Variants in NADK observed in about 807,000 individuals in gnomAD.
The protein encoded by NADK is poly(P)/ATP NAD kinase.
Under a neutral mutation model 49.8 loss-of-function variants are expected in NADK, and 22 were observed. That is an observed-to-expected ratio of 0.44 (90% confidence interval 0.32 to 0.63). The LOEUF (loss-of-function observed/expected upper bound fraction) is 0.63. Among genes scored for constraint, NADK ranks in the 30% least tolerant of loss-of-function variants. The pLI is 0.06. For missense variants in NADK, 438 were observed against 609.4 expected (o/e 0.72, Z 2.96); for synonymous variants, 268 against 253.7 (o/e 1.06, Z -0.54).
At chr1:1,771,682 G>A (rs376981689) in intron 1 of NADK, among the ~76,000 whole-genome samples, 5 of 152,118 alleles carry the variant, frequency 3.3e-5, no homozygotes, top group Admixed American at 2.0e-4. Context: ...GGACAGCCAC[G>A]TCTAAAAGAA....
In NADK at chr1:1,765,285, C is replaced by T. The variant is rs370296753; in HGVS notation, c.122G>A (p.Arg41Gln). 5.6e-6 allele frequency: 9 copies of T among 1,612,938 alleles called. 1 individual carries two copies. Among genetic ancestry groups the T allele is most frequent in the East Asian group, 4.5e-5 (2 of 44,802 alleles). Residue 41 changes from arginine to glutamine, a missense_variant, in exon 2 of 12, where the codon CGG (arginine) becomes CAG (glutamine). Coordinates refer to ENST00000341426, the MANE Select transcript of NADK (RefSeq NM_023018.5). ...TWSYNHPIRG[R>Q]AKSRSLSASP... Reference sequence around the variant, plus strand: ...GGCAGACAGGCTGCGAGACTTGGCCCGGCCCCGGATGGGGTGGTTGTAACT... The same window carrying T: ...GGCAGACAGGCTGCGAGACTTGGCCTGGCCCCGGATGGGGTGGTTGTAACT...
At chr1:1,756,849 T>C (rs1331999928) in intron 4 of NADK, 4 of 843,796 alleles carry the variant, frequency 4.7e-6, no homozygotes, top group Admixed American at 1.7e-5. Flanking sequence ...CAGGAGTGGC[T>C]TTCCTGGGCG....
chr1:1,755,442 C>T lies in NADK; in HGVS notation c.620G>A (p.Gly207Asp). 6.2e-7 allele frequency: 1 copy of T among 1,614,006 alleles called. No homozygotes were observed. The highest frequency in any genetic ancestry group is 8.5e-7 in the Non-Finnish European group (1 of 1,180,008). ...SVPPVMAFHL[G>D]SLGFLTPFSF... ...GAATGGGGTCAGGAAGCCCAGGGAG[C>T]CCAGGTGGAAGGCCATGACCGGAGG... is the stretch of plus-strand genomic sequence containing the variant. The change falls in exon 7 of 12, where the codon GGC becomes GAC. Residue 207 changes from glycine to aspartate, a missense_variant. By Grantham distance (94) the Gly-to-Asp change is moderately conservative. Transcript: ENST00000341426.
intron 2 of NADK, among the ~76,000 whole-genome samples, chr1:1,763,371 C>T (rs948980014): frequency 6.6e-6 from 1 of 152,140 alleles, no homozygotes; most frequent in African/African-American, 2.4e-5. Flanking sequence ...GTAATCCCAG[C>T]ACTTTGGGAG....
intron 3 of NADK, among the ~76,000 whole-genome samples, chr1:1,760,562 C>T (rs565944434): frequency 3.9e-5 from 6 of 152,314 alleles, no homozygotes; most frequent in East Asian, 1.9e-4. Flanking sequence ...ATCACACGGC[C>T]GCATTGCGCT....
intron 1 of NADK, among the ~76,000 whole-genome samples, chr1:1,776,123 G>A (rs886101443): frequency 3.3e-5 from 5 of 152,160 alleles, no homozygotes; most frequent in East Asian, 1.9e-4. Flanking sequence ...ATGCAAGGCC[G>A]TCGAGTCCCG....
In NADK at chr1:1,755,468, G is replaced by C; in HGVS notation, c.594C>G (p.Val198=). 6.2e-7 allele frequency: 1 copy of C among 1,613,620 alleles called. No homozygotes were observed. The highest frequency in any genetic ancestry group is 8.5e-7 in the Non-Finnish European group (1 of 1,179,810). ...CCAGGTGGAAGGCCATGACCGGAGG[G>C]ACGCTGCCCTGTGAGCCGACGGAGA... The part of the protein sequence containing the change: ...LYASSLFQGS[V]PPVMAFHLGS... Residue 198 remains valine, a synonymous_variant, in exon 7 of 12, where the codon GTC becomes GTG. Transcript: ENST00000341426.
Position 1,774,172 on chromosome 1 carries a change from T to TACAC in NADK, c.-41+4113_-41+4116dup, listed in dbSNP as rs552575948. Among the ~76,000 whole-genome samples, 28 of 150,392 alleles carry TACAC rather than the reference T, an allele frequency of 1.9e-4. 1 individual carries two copies. The South Asian group carries it at 5.9e-3, about 32-fold the overall frequency. ...ATGTATGTGTGTGTGTGTATATATA[T>TACAC]ACACACACACACACACATATATATA... On this transcript the variant is annotated intron_variant, in intron 1 of 11. Transcript: ENST00000341426.
rs1028809612 is a variant in NADK, at chr1:1,755,584, C to T, written c.586-108G>A. On this transcript the variant is annotated intron_variant, in intron 6 of 11. Coordinates refer to ENST00000341426, the MANE Select transcript of NADK (RefSeq NM_023018.5). ...ACCCAGCTCTGTGGGGACAGCACCC[C>T]GACCCTCTGCAGGAGGGACTGGCCA... 83 of 813,892 alleles carry T rather than the reference C, an allele frequency of 1.0e-4. 1 individual carries two copies. Among genetic ancestry groups the T allele is most frequent in the Non-Finnish European group, 8.7e-5 (42 of 485,208 alleles). 50.4% of individuals were successfully genotyped at this position (813,892 alleles called of 1,614,324 possible).
At chr1:1,767,946 G>A (rs1465371976) in intron 1 of NADK, among the ~76,000 whole-genome samples, 1 of 152,150 alleles carries the variant, frequency 6.6e-6, no homozygotes, top group African/African-American at 2.4e-5. Flanking sequence ...GCTGAGGCGG[G>A]CAGATCATCT....
upstream of NADK, chr1:1,780,052 T>G (rs1646324867): frequency 6.6e-6 from 1 of 152,258 alleles, no homozygotes; most frequent in Non-Finnish European, 1.5e-5. Context: ...GCAAGGATCA[T>G]GAGAACTTGG....
chr1:1,758,283 A>G, intron 3 of NADK: 1 of 1,497,516 alleles, frequency 6.7e-7, no homozygotes, highest in Non-Finnish European at 9.0e-7. Flanking sequence ...CCCCAGAACC[A>G]CAACACAGAC....
At position 1,754,157 on chromosome 1, in the gene NADK, CCGGCCG is replaced by C. The variant is rs1201801975; in HGVS notation, c.989_994del (p.Ala330_Ala331del). On this transcript the variant is annotated inframe_deletion, in exon 10 of 12. Coordinates refer to ENST00000341426, the MANE Select transcript of NADK (RefSeq NM_023018.5). The surrounding 1 kb of genome is among the most constrained non-coding windows in gnomAD (Gnocchi z 4.3). The stretch of plus-strand genomic sequence containing the variant: ...CACGTTGGGGTGGATCATGGAGGCC[CCGGCCG>C]CGGCCGCATACGCCGTGCTGCCCGT... 2 of 1,612,266 alleles carry C rather than the reference CCGGCCG, an allele frequency of 1.2e-6. No homozygotes were observed. Among genetic ancestry groups the C allele is most frequent in the Non-Finnish European group, 1.7e-6 (2 of 1,179,622 alleles).
chr1:1,762,569 A>G (rs866704206), intron 2 of NADK, among the ~76,000 whole-genome samples: 2 of 152,140 alleles, frequency 1.3e-5, no homozygotes, highest in South Asian at 2.1e-4. Flanking sequence ...CAGCCTGGCC[A>G]ACATGGTGAA....
chr1:1,761,933 C>T lies in NADK; in HGVS notation c.263+19G>A. On this transcript the variant is annotated intron_variant, in intron 3 of 11. Transcript: ENST00000341426. The stretch of plus-strand genomic sequence containing the variant: ...CTCTCCCTTCCAAGAACCCCCCGTC[C>T]TGGGGCCCCAGCACTCACATGATGG... 2 of 1,613,660 alleles carry T rather than the reference C, an allele frequency of 1.2e-6. No individual in the cohort carries two copies. The highest frequency in any genetic ancestry group is 2.2e-5 in the South Asian group (2 of 91,068).
At chr1:1,755,552 A>C in intron 6 of NADK, 76 bp from the exon 7 acceptor site, 2 of 1,074,330 alleles carry the variant, frequency 1.9e-6, no homozygotes, top group Non-Finnish European at 2.9e-6. Context: ...GCAGCACCTC[A>C]GGAGGGACCC....
intron 2 of NADK, 53 bp downstream of exon 2, chr1:1,765,175 A>G (rs1645847070): frequency 2.0e-6 from 3 of 1,472,744 alleles, no homozygotes; most frequent in African/African-American, 1.4e-5. Flanking sequence ...TTAAGAAAGA[A>G]TATTATGAAA....
intron 3 of NADK, chr1:1,759,683 TG>T: frequency 6.5e-7 from 1 of 1,534,958 alleles, no homozygotes. Context: ...CGTGCTCCCA[TG>T]GGGGTGCCGA....
At chr1:1,765,721 C>T (rs1291127087) in intron 1 of NADK, among the ~76,000 whole-genome samples, 2 of 150,960 alleles carry the variant, frequency 1.3e-5, no homozygotes, top group Non-Finnish European at 3.0e-5. Context: ...AAACCAGCCT[C>T]GCCTGACCAA....
Sources: gnomAD v4.1 joint callset for allele counts (sites outside exome capture counted in the v4.1 genomes callset) on GRCh38, gnomAD v4.1.1 for gene constraint, Gnocchi (gnomAD v3.1) non-coding constraint, MANE v1.5 for transcripts, NCBI Gene and HGNC (gene_info 2026-07-23, HGNC 2026-07-21) for gene names.